The following CDK14 variants were observed in gnomAD, a reference collection of about 807,000 sequenced individuals.
CDK14 encodes the protein cyclin-dependent kinase 14.
Under a neutral mutation model 60.7 loss-of-function variants are expected in CDK14, and 34 were observed. The ratio of observed to expected loss-of-function variants is 0.56; its 90% CI spans 0.43 to 0.75. CDK14 has a LOEUF of 0.75. Among genes scored for constraint, CDK14 ranks in the 30% least tolerant of loss-of-function variants. CDK14 has a pLI of 0.00. For missense variants in CDK14, 482 were observed against 564.1 expected, an observed-to-expected ratio of 0.85 and a Z score of 1.47; for synonymous variants, 197 against 203.7, an observed-to-expected ratio of 0.97 and a Z score of 0.28.
intron 4 of CDK14, among the ~76,000 whole-genome samples, chr7:90,774,978 CATG>C (rs1413569257): frequency 6.6e-6 from 1 of 152,186 alleles, no homozygotes; most frequent in Admixed American, 6.5e-5. Context: ...CTCAGAGCCT[CATG>C]GTGGTGAATC....
intron 13 of CDK14, among the ~76,000 whole-genome samples, chr7:91,114,534 G>A (rs998444512): frequency 6.6e-6 from 1 of 152,108 alleles, no homozygotes; most frequent in Admixed American, 6.5e-5. Context: ...CCCTTTATCA[G>A]CTCACAGCAG....
At chr7:90,697,099 G>A (rs1446916733) in intron 2 of CDK14, among the ~76,000 whole-genome samples, 1 of 152,102 alleles carries the variant, frequency 6.6e-6, no homozygotes, top group African/African-American at 2.4e-5. Flanking sequence ...GAACCAGTTG[G>A]GATCAACTCC....
intron 12 of CDK14, among the ~76,000 whole-genome samples, chr7:91,111,939 A>G (rs1799478254): frequency 6.6e-6 from 1 of 152,050 alleles, no homozygotes; most frequent in African/African-American, 2.4e-5. Context: ...TTTTCTATCT[A>G]CTGTTGTTTT....
intron 11 of CDK14, among the ~76,000 whole-genome samples, chr7:91,053,010 A>G (rs2116061937): frequency 6.6e-6 from 1 of 152,292 alleles, no homozygotes; most frequent in Non-Finnish European, 1.5e-5. Flanking sequence ...AGGCAAAAAA[A>G]AAAGCCGTCT....
chr7:91,024,867 G>A (rs1796531588), intron 10 of CDK14, among the ~76,000 whole-genome samples: 1 of 152,142 alleles, frequency 6.6e-6, no homozygotes, highest in Non-Finnish European at 1.5e-5. Context: ...AGTATGTGAT[G>A]TGATTATTTA....
intron 7 of CDK14, among the ~76,000 whole-genome samples, chr7:90,916,783 G>T (rs1185273373): frequency 6.6e-6 from 1 of 152,164 alleles, no homozygotes; most frequent in Non-Finnish European, 1.5e-5. Flanking sequence ...TTCATAAGAA[G>T]AATATTGGGA....
chr7:91,174,369 GA>G (rs2115826211), intron 14 of CDK14, among the ~76,000 whole-genome samples: 1 of 149,756 alleles, frequency 6.7e-6, no homozygotes, highest in Non-Finnish European at 1.5e-5. Flanking sequence ...AAACAGAACA[GA>G]AAAACTGAAA....
At chr7:91,059,394 C>G (rs1352872248) in intron 11 of CDK14, among the ~76,000 whole-genome samples, 1 of 152,072 alleles carries the variant, frequency 6.6e-6, no homozygotes, top group African/African-American at 2.4e-5. Context: ...TTTTTTGTGT[C>G]TCTATTTCCT....
chr7:91,198,653 T>G (rs1274238103), intron 14 of CDK14, among the ~76,000 whole-genome samples: 2 of 152,238 alleles, frequency 1.3e-5, no homozygotes, highest in Non-Finnish European at 2.9e-5. Context: ...GACATCATTC[T>G]GTATTAAGCA....
At chr7:90,911,928 C>T (rs942395894) in intron 7 of CDK14, among the ~76,000 whole-genome samples, 1 of 152,128 alleles carries the variant, frequency 6.6e-6, no homozygotes, top group African/African-American at 2.4e-5. Context: ...TGCCATGGCA[C>T]TGAGAATATG....
chr7:90,736,024 G>C (rs1173199937), intron 3 of CDK14, among the ~76,000 whole-genome samples: 4 of 152,188 alleles, frequency 2.6e-5, no homozygotes, highest in African/African-American at 9.7e-5. Context: ...ATCTGGGCCA[G>C]AGTGCACTGT....
At chr7:91,017,941 A>T (rs1005117873) in intron 10 of CDK14, among the ~76,000 whole-genome samples, 1 of 152,168 alleles carries the variant, frequency 6.6e-6, no homozygotes, top group South Asian at 2.1e-4. Flanking sequence ...ACCAAATTAG[A>T]TCTACTGTGC....
At chr7:90,599,985 G>A (rs566274188) in intron 1 of CDK14, among the ~76,000 whole-genome samples, 1 of 152,288 alleles carries the variant, frequency 6.6e-6, no homozygotes, top group African/African-American at 2.4e-5. Context: ...TGCTGACTTT[G>A]TCACTGCCCA....
intron 2 of CDK14, among the ~76,000 whole-genome samples, chr7:90,639,325 T>G (rs564050399): frequency 6.6e-6 from 1 of 152,100 alleles, no homozygotes; most frequent in South Asian, 2.1e-4. Flanking sequence ...GTCCTTTCTG[T>G]TTGTTAGTTT....
Position 91,210,456 on chromosome 7 carries a change from G to C in CDK14, c.*3320G>C, listed in dbSNP as rs901904146. ...ACTTTCAAATGACACATAGTAAGGA[G>C]AATGGAATAATACATGTTGCATATT... is the stretch of plus-strand genomic sequence containing the variant. On this transcript the variant is annotated 3_prime_UTR_variant, in exon 15 of 15. Coordinates refer to ENST00000380050, the MANE Select transcript of CDK14 (RefSeq NM_001287135.2). 2 of 152,424 alleles carry C rather than the reference G, an allele frequency of 1.3e-5. No homozygotes were observed. Among genetic ancestry groups the C allele is most frequent in the Non-Finnish European group, 2.9e-5 (2 of 68,024 alleles). 9.4% of individuals were successfully genotyped at this position (152,424 alleles called of 1,614,324 possible).
At chr7:90,676,111 G>A (rs1277877165) in intron 2 of CDK14, among the ~76,000 whole-genome samples, 4 of 152,210 alleles carry the variant, frequency 2.6e-5, no homozygotes, top group African/African-American at 7.2e-5. Flanking sequence ...GCAGTAATGA[G>A]CAAATCAGAC....
At chr7:90,771,740 A>G (rs988432469) in intron 4 of CDK14, among the ~76,000 whole-genome samples, 9 of 152,230 alleles carry the variant, frequency 5.9e-5, no homozygotes, top group African/African-American at 4.8e-5. Context: ...CCTGGGACCA[A>G]TCAGGGGCCA....
chr7:91,076,028 A>C (rs1798300420), intron 11 of CDK14, among the ~76,000 whole-genome samples: 1 of 152,040 alleles, frequency 6.6e-6, no homozygotes, highest in African/African-American at 2.4e-5. Context: ...AATATCATGA[A>C]AATGGCCATA....
chr7:90,984,201 G>A lies in CDK14; in HGVS notation c.1001G>A (p.Gly334Glu). 1 of 1,612,924 alleles carries A rather than the reference G, an allele frequency of 6.2e-7. No homozygotes were observed. The highest frequency in any genetic ancestry group is 8.5e-7 in the Non-Finnish European group (1 of 1,178,980). Residue 334 changes from glycine (G) to glutamate (E), a missense_variant, in exon 10 of 15, where the codon GGA (glycine) becomes GAA (glutamate). Transcript: ENST00000380050. ...EMIQGVAAFP[G>E]MKDIQDQLER... ...ATCCAAGGAGTTGCTGCTTTTCCAG[G>A]AATGAAAGACATTCAGGATCAACTT...
Sources: gnomAD v4.1 joint callset for allele counts (sites outside exome capture counted in the v4.1 genomes callset) on GRCh38, gnomAD v4.1.1 for gene constraint, MANE v1.5 for transcripts, NCBI Gene and HGNC (gene_info 2026-07-23, HGNC 2026-07-21) for gene names.